Variants in NSUN6 observed in about 807,000 individuals in gnomAD.
NSUN6 encodes tRNA (cytosine(72)-C(5))-methyltransferase NSUN6.
A neutral mutation model predicts 58.0 loss-of-function variants in NSUN6; 64 were observed. The ratio of observed to expected loss-of-function variants is 1.10; its 90% CI spans 0.90 to 1.36. NSUN6 has a LOEUF of 1.36. Ranked by LOEUF, NSUN6 falls within the 40% of genes most tolerant of loss-of-function variation. NSUN6 has a pLI of 0.00. For synonymous variants in NSUN6, 231 were observed against 193.9 expected, an observed-to-expected ratio of 1.19 and a Z score of -1.59; for missense variants, 701 against 550.1, an observed-to-expected ratio of 1.27 and a Z score of -2.74.
At chr10:18,643,569 C>T (rs2059450632) in intron 2 of NSUN6, among the ~76,000 whole-genome samples, 3 of 152,070 alleles carry the variant, frequency 2.0e-5, no homozygotes, top group African/African-American at 7.2e-5. Flanking sequence ...TCATATCTAC[C>T]AAGTCACCAG....
At position 18,609,885 on chromosome 10, in the gene NSUN6, G is replaced by C. The variant is rs1339746650; in HGVS notation, c.617C>G (p.Pro206Arg). Residue 206 changes from proline (P) to arginine (R), a missense_variant, in exon 6 of 11, where the codon CCT becomes CGT. Coordinates refer to ENST00000377304, the MANE Select transcript of NSUN6 (RefSeq NM_182543.5). ...IRMTEPVYLSPSFDSVLPRYL... is the reference protein window; with the variant it reads ...IRMTEPVYLSRSFDSVLPRYL... ...ACGGGGCAGTACACTGTCAAATGAA[G>C]GGCTGAGATATACTGGTTCTGTCAT... 1 of 1,605,708 alleles carries C rather than the reference G, an allele frequency of 6.2e-7. No homozygotes were observed. Among genetic ancestry groups the C allele is most frequent in the Non-Finnish European group, 8.5e-7 (1 of 1,172,686 alleles).
intron 3 of NSUN6, among the ~76,000 whole-genome samples, chr10:18,620,938 A>C (rs1335654675): frequency 6.6e-6 from 1 of 152,252 alleles, no homozygotes; most frequent in African/African-American, 2.4e-5. Flanking sequence ...GGAAAGGATG[A>C]ATTCTGGAAC....
rs141712613 is a variant in NSUN6 at position 18,562,908 on chromosome 10, A to C, written c.923-10937T>G. 5.3e-3 allele frequency among the ~76,000 whole-genome samples: 750 copies of C among 141,010 alleles called. 7 individuals are homozygous for C. Among genetic ancestry groups the C allele is most frequent in the African/African-American group, 0.019 (713 of 37,610 alleles). The allele number at this position is 141,010 out of a possible 152,430, so 92.5% of individuals were successfully genotyped here. On this transcript the variant is annotated intron_variant, in intron 8 of 10. Coordinates refer to ENST00000377304, the MANE Select transcript of NSUN6 (RefSeq NM_182543.5). ...GCATGGAGTGGAATGGAATGGAAGG[A>C]AGAATGGAATGGAAGGAAGAATGGA...
chr10:18,604,461 G>A (rs986025757), intron 6 of NSUN6, among the ~76,000 whole-genome samples: 1 of 152,124 alleles, frequency 6.6e-6, no homozygotes, highest in Middle Eastern at 3.2e-3. Flanking sequence ...AGTATGGCCC[G>A]CAAATCAGGG....
At chr10:18,633,946 G>A (rs1196045506) in intron 3 of NSUN6, among the ~76,000 whole-genome samples, 3 of 152,202 alleles carry the variant, frequency 2.0e-5, no homozygotes, top group African/African-American at 4.8e-5. Flanking sequence ...GACTACAGAT[G>A]AGCCAGCAGA....
intron 7 of NSUN6, among the ~76,000 whole-genome samples, chr10:18,593,728 G>A (rs1002871893): frequency 3.3e-5 from 5 of 151,976 alleles, no homozygotes; most frequent in African/African-American, 1.2e-4. Context: ...GTAAGGGGAG[G>A]GATAGCATTA....
intron 3 of NSUN6, among the ~76,000 whole-genome samples, chr10:18,629,274 C>G (rs1273201302): frequency 6.6e-6 from 1 of 152,140 alleles, no homozygotes; most frequent in Admixed American, 6.5e-5. Flanking sequence ...TGGAAAGGAA[C>G]AACTGCTACC....
chr10:18,596,527 C>T (rs902638364), intron 6 of NSUN6, among the ~76,000 whole-genome samples, 200 bp from the exon 7 acceptor site: 1 of 152,152 alleles, frequency 6.6e-6, no homozygotes, highest in Non-Finnish European at 1.5e-5. Flanking sequence ...GACTTACACA[C>T]AAACCACCTG....
At chr10:18,587,834 C>G (rs556488030) in intron 7 of NSUN6, among the ~76,000 whole-genome samples, 1 of 152,038 alleles carries the variant, frequency 6.6e-6, no homozygotes, top group Non-Finnish European at 1.5e-5. Context: ...GGGTTTCAAG[C>G]ACAAAACTGG....
chr10:18,606,685 A>G (rs1025076381), intron 6 of NSUN6, among the ~76,000 whole-genome samples: 1 of 152,236 alleles, frequency 6.6e-6, no homozygotes, highest in Non-Finnish European at 1.5e-5. Flanking sequence ...CTATAATTCT[A>G]AAATTCTATT....
Position 18,644,992 on chromosome 10 carries a change from T to C in NSUN6, c.232-2437A>G, listed in dbSNP as rs184585874. ...GGCCAACACAGTGAAACCCTGTCTC[T>C]ACTAAAAATACAAAAATTAGCTGGG... On this transcript the variant is annotated intron_variant, in intron 2 of 10. Transcript: ENST00000377304. Among the ~76,000 whole-genome samples, 70 of 151,732 alleles carry C rather than the reference T, an allele frequency of 4.6e-4. 1 individual carries two copies. The East Asian group carries it at 0.013, about 29-fold the overall frequency.
At chr10:18,656,816 CTTTTTTTTTT>C (rs59363607), upstream of NSUN6, among the ~76,000 whole-genome samples, 66 of 86,644 alleles carry the variant, frequency 7.6e-4, no homozygotes, top group Non-Finnish European at 1.2e-3. Context: ...AGTTACAATC[CTTTTTTTTTT>C]TTTTTTTTTT....
intron 10 of NSUN6, 107 bp from the exon 11 acceptor site, chr10:18,546,252 CA>C: frequency 1.2e-6 from 1 of 803,758 alleles, no homozygotes; most frequent in South Asian, 1.4e-5. Flanking sequence ...CTACATCTTC[CA>C]AAAATAGAAA....
intron 8 of NSUN6, among the ~76,000 whole-genome samples, chr10:18,571,582 C>T (rs981605148): frequency 1.8e-4 from 28 of 151,454 alleles, no homozygotes. Flanking sequence ...ATTCCAATGT[C>T]CATTCCATTC....
Position 18,633,428 on chromosome 10 carries a change from T to A in NSUN6, c.311+9048A>T, listed in dbSNP as rs144777190. Among the ~76,000 whole-genome samples, 713 of 151,828 alleles carry A rather than the reference T, an allele frequency of 4.7e-3. 18 individuals are homozygous for A. The highest frequency in any genetic ancestry group is 0.037 in the East Asian group (193 of 5,166). ...TAAAGTATAATAATAATAAATTAAT[T>A]AAATAAAATAAATAAATAAAATCTG... On this transcript the variant is annotated intron_variant, in intron 3 of 10. Coordinates refer to ENST00000377304, the MANE Select transcript of NSUN6 (RefSeq NM_182543.5).
At chr10:18,553,030 C>A (rs148552846) in intron 8 of NSUN6, among the ~76,000 whole-genome samples, 9 of 151,630 alleles carry the variant, frequency 5.9e-5, no homozygotes, top group South Asian at 4.2e-4. Flanking sequence ...CATTTCATTC[C>A]ATTCCCTTCT....
chr10:18,596,288 G>A lies in NSUN6; in HGVS notation c.697C>T (p.Gln233Ter), dbSNP rs142566332. The A allele has an allele frequency of 3.8e-6, 6 of 1,598,872 alleles. No homozygotes were observed. In the African/African-American group the frequency reaches 5.4e-5, roughly 14 times the overall value. Residue 233 changes from glutamine to a stop codon, truncating the protein, a stop_gained, in exon 7 of 11, where the codon CAA becomes TAA. Transcript: ENST00000377304. LOFTEE classifies it high-confidence loss of function. ...AAGTCTAGAATCTTCTCTCCAGGTT[G>A]AGGATTTAGTACATGACTTACTAAG... ...SALVSHVLNP[Q>*]PGEKILDLCA...
At chr10:18,658,340 G>A (rs887848747), upstream of NSUN6, 7 of 152,196 alleles carry the variant, frequency 4.6e-5, no homozygotes, top group African/African-American at 1.7e-4. Flanking sequence ...CAAGAGTTTG[G>A]CATGTTAAAA....
chr10:18,614,677 T>C lies in NSUN6; in HGVS notation c.422-64A>G, dbSNP rs1183315547. The C allele has an allele frequency of 5.0e-6, 4 of 802,606 alleles. No individual in the cohort carries two copies. In the African/African-American group the frequency reaches 5.3e-5, roughly 11 times the overall value. 49.7% of individuals were successfully genotyped at this position (802,606 alleles called of 1,614,324 possible). On this transcript the variant is annotated intron_variant, in intron 4 of 10. Transcript: ENST00000377304. Reference sequence around the variant, plus strand: ...TTTGGCAGAAGAATCGTGAAAATTATTTGAGCTAGATCGGTGATCTCTAGA... The same window carrying C: ...TTTGGCAGAAGAATCGTGAAAATTACTTGAGCTAGATCGGTGATCTCTAGA...
Sources: allele counts gnomAD v4.1 joint callset (sites outside exome capture counted in the v4.1 genomes callset), GRCh38; gene constraint gnomAD v4.1.1; transcripts MANE v1.5; gene names NCBI Gene and HGNC (gene_info 2026-07-23, HGNC 2026-07-21).